Variants in SMOC2 observed in about 807,000 individuals in gnomAD.
SMOC2 encodes SPARC-related modular calcium-binding protein 2.
A neutral mutation model predicts 61.4 loss-of-function variants in SMOC2; 39 were observed. The observed-to-expected ratio is 0.64, with a 90% confidence interval of 0.49 to 0.83. SMOC2 has a LOEUF of 0.83. Ranked by LOEUF, SMOC2 falls within the 40% of genes least tolerant of loss-of-function variation. The probability of loss-of-function intolerance (pLI) is 0.00; values close to 1 mark genes in which losing one functional copy is unlikely to be tolerated. For missense variants in SMOC2, 556 were observed against 592.9 expected (o/e 0.94, Z 0.65); for synonymous variants, 247 against 239.9 (o/e 1.03, Z -0.27).
intron 7 of SMOC2, among the ~76,000 whole-genome samples, chr6:168,565,023 AT>A (rs1562351352): frequency 6.6e-6 from 1 of 152,234 alleles, no homozygotes; most frequent in East Asian, 1.9e-4. Context: ...AGGCAATCCT[AT>A]TTTAAAAGGT....
chr6:168,652,097 A>G (rs563873897), intron 10 of SMOC2, among the ~76,000 whole-genome samples: 4 of 152,108 alleles, frequency 2.6e-5, no homozygotes, highest in Non-Finnish European at 5.9e-5. Flanking sequence ...TTTCAACTTT[A>G]CATCTTCTAT....
rs117301628 is a variant in SMOC2, at chr6:168,453,700, A to G, written c.84+12246A>G. The stretch of plus-strand genomic sequence containing the variant: ...TGTCTCTGTCTCTCTAATTCTGTCT[A>G]TTGATCTCTGCCATTCTACATACTA... On this transcript the variant is annotated intron_variant, in intron 1 of 12. Transcript: ENST00000356284. The surrounding 1 kb of genome is among the most constrained non-coding windows in gnomAD (Gnocchi z 4.4). 0.038 allele frequency among the ~76,000 whole-genome samples: 5,708 copies of G among 148,776 alleles called. 163 individuals carry two copies. The highest frequency in any genetic ancestry group is 0.14 in the South Asian group (638 of 4,682).
intron 7 of SMOC2, among the ~76,000 whole-genome samples, chr6:168,554,253 CCAT>C (rs1414747821): frequency 2.0e-5 from 3 of 152,224 alleles, no homozygotes; most frequent in Non-Finnish European, 4.4e-5. Flanking sequence ...CAGATAAGCC[CCAT>C]CATGTGATAC....
At chr6:168,557,803 C>T (rs1003530133) in intron 7 of SMOC2, among the ~76,000 whole-genome samples, 1 of 152,220 alleles carries the variant, frequency 6.6e-6, no homozygotes, top group Non-Finnish European at 1.5e-5. Context: ...AGGCAAGGCA[C>T]CGTGTGTTCT....
rs188345034 is a variant in SMOC2 at position 168,498,625 on chromosome 6, G to A, written c.85-11290G>A. 1.9e-3 allele frequency among the ~76,000 whole-genome samples: 291 copies of A among 152,310 alleles called. 1 individual carries two copies. The highest frequency in any genetic ancestry group is 6.5e-3 in the African/African-American group (272 of 41,536). ...CTGCAGGCTGAGTGGTGAGAGAGCC[G>A]CAACATGTGACTGTGTTGCATGAGG... On this transcript the variant is annotated intron_variant, in intron 1 of 12. Transcript: ENST00000356284.
chr6:168,588,012 G>A (rs1785082138), intron 7 of SMOC2, among the ~76,000 whole-genome samples: 1 of 150,988 alleles, frequency 6.6e-6, no homozygotes, highest in Non-Finnish European at 1.5e-5. Flanking sequence ...TTGGTGTCGG[G>A]GTGAGGGGTG....
chr6:168,622,628 G>C (rs1562388524), intron 9 of SMOC2, among the ~76,000 whole-genome samples: 1 of 152,082 alleles, frequency 6.6e-6, no homozygotes, highest in Non-Finnish European at 1.5e-5. Context: ...AGGTGAGACT[G>C]TTGCCGTGTC....
chr6:168,547,629 C>T (rs1001196718), intron 6 of SMOC2, among the ~76,000 whole-genome samples: 5 of 152,064 alleles, frequency 3.3e-5, no homozygotes, highest in South Asian at 2.1e-4. Flanking sequence ...CCTAGCCACA[C>T]GCCCCTGAAG....
At chr6:168,447,242 A>AT (rs1198994112) in intron 1 of SMOC2, among the ~76,000 whole-genome samples, 57 of 146,016 alleles carry the variant, frequency 3.9e-4, no homozygotes, top group South Asian at 1.3e-3. Flanking sequence ...AATTTTTTGT[A>AT]TTTTTTTTTT....
chr6:168,444,294 G>A (rs564340829), intron 1 of SMOC2, among the ~76,000 whole-genome samples: 1 of 152,098 alleles, frequency 6.6e-6, no homozygotes, highest in South Asian at 2.1e-4. Context: ...CCTCTCTGGG[G>A]CTTTCAGTTT....
chr6:168,608,276 G>T (rs1447896733), intron 9 of SMOC2, 37 bp downstream of exon 9: 4 of 1,588,202 alleles, frequency 2.5e-6, no homozygotes, highest in Non-Finnish European at 3.4e-6. Context: ...GAATCCACAG[G>T]CCCCACCATG....
chr6:168,647,981 CA>C (rs879488283), intron 9 of SMOC2, among the ~76,000 whole-genome samples: 5 of 152,056 alleles, frequency 3.3e-5, no homozygotes, highest in Non-Finnish European at 7.4e-5. Flanking sequence ...TTATGTTAGT[CA>C]TGTTTCGTGA....
At chr6:168,612,249 A>T (rs1785895049) in intron 9 of SMOC2, among the ~76,000 whole-genome samples, 2 of 138,180 alleles carry the variant, frequency 1.4e-5, no homozygotes, top group African/African-American at 5.5e-5. Context: ...TTACTCAAAC[A>T]GCAGCGCTGG....
At chr6:168,463,350 G>C (rs138475821) in intron 1 of SMOC2, among the ~76,000 whole-genome samples, 7 of 152,186 alleles carry the variant, frequency 4.6e-5, no homozygotes. Flanking sequence ...AAGCAGTGTC[G>C]GGAGCTGAGC....
Position 168,653,159 on chromosome 6 carries a change from G to A in SMOC2, c.1216G>A (p.Val406Ile), listed in dbSNP as rs138048760. ...CDVNNDKSIS[V>I]QELMGCLGVA... ...CGTGAATAATGACAAATCCATCTCCGTACAAGAACTGATGGGCTGCCTGGG... is the reference window on the plus strand; with the variant it reads ...CGTGAATAATGACAAATCCATCTCCATACAAGAACTGATGGGCTGCCTGGG... The change falls in exon 11 of 13, where the codon GTA (valine) becomes ATA (isoleucine). Residue 406 changes from valine (V) to isoleucine (I), a missense_variant. Coordinates refer to ENST00000356284, the MANE Select transcript of SMOC2 (RefSeq NM_001166412.2). 73 of 1,614,168 alleles carry A rather than the reference G, an allele frequency of 4.5e-5. No homozygotes were observed. Among genetic ancestry groups the A allele is most frequent in the Non-Finnish European group, 5.3e-5 (63 of 1,180,028 alleles).
At chr6:168,484,081 T>C (rs528233481) in intron 1 of SMOC2, among the ~76,000 whole-genome samples, 6 of 152,072 alleles carry the variant, frequency 3.9e-5, no homozygotes, top group African/African-American at 1.2e-4. Flanking sequence ...ACAAGAAAAA[T>C]TGTACAAATT....
chr6:168,643,349 G>T (rs1456688631), intron 9 of SMOC2, among the ~76,000 whole-genome samples: 1 of 152,164 alleles, frequency 6.6e-6, no homozygotes, highest in Non-Finnish European at 1.5e-5. Flanking sequence ...AAGACCTCCT[G>T]GGTTTTGGGC....
intron 9 of SMOC2, among the ~76,000 whole-genome samples, chr6:168,630,766 G>A (rs1786546214): frequency 6.6e-6 from 1 of 152,132 alleles, no homozygotes; most frequent in East Asian, 1.9e-4. Context: ...TTGCGGGTAG[G>A]TCTCTGAACT....
intron 9 of SMOC2, among the ~76,000 whole-genome samples, chr6:168,622,575 A>C (rs920833062): frequency 1.3e-5 from 2 of 152,092 alleles, no homozygotes; most frequent in South Asian, 4.2e-4. Context: ...CCTAGAGTCC[A>C]TGTGTGCTCG....
Sources: gnomAD v4.1 joint callset for allele counts (sites outside exome capture counted in the v4.1 genomes callset) on GRCh38, gnomAD v4.1.1 for gene constraint, Gnocchi (gnomAD v3.1) non-coding constraint, MANE v1.5 for transcripts, NCBI Gene and HGNC (gene_info 2026-07-23, HGNC 2026-07-21) for gene names.